CABIN1: variants seen among roughly 807,000 people sequenced by gnomAD.
CABIN1 encodes calcineurin-binding protein cabin-1.
CABIN1 carries 133 observed loss-of-function variants against 227.7 expected under a neutral mutation model. The observed-to-expected ratio is 0.58, with a 90% CI of 0.51 to 0.67. CABIN1 has a LOEUF of 0.67. Ranked by LOEUF, CABIN1 falls within the 30% of genes least tolerant of loss-of-function variation. The pLI is 0.00. For missense variants in CABIN1, 2,408 were observed against 2,852.5 expected (o/e 0.84, Z 3.55); for synonymous variants, 1,086 against 1,155.1 (o/e 0.94, Z 1.21).
chr22:24,061,884 A>AC, intron 12 of CABIN1, 63 bp from the exon 13 acceptor site: 4 of 1,176,952 alleles, frequency 3.4e-6, no homozygotes, highest in Non-Finnish European at 5.1e-6. Context: ...ACAGCCCCCT[A>AC]CCCCCCACAC....
At chr22:24,103,555 A>G (rs1423363020) in intron 26 of CABIN1, among the ~76,000 whole-genome samples, 3 of 152,050 alleles carry the variant, frequency 2.0e-5, no homozygotes, top group Non-Finnish European at 2.9e-5. Flanking sequence ...TCCTAGGGCT[A>G]AGGGGAGGTC....
intron 6 of CABIN1, among the ~76,000 whole-genome samples, chr22:24,045,949 C>T (rs1050099594): frequency 1.3e-5 from 2 of 152,224 alleles, no homozygotes; most frequent in Non-Finnish European, 2.9e-5. Context: ...TGAGACCTGT[C>T]AGTTTGTATA....
intron 30 of CABIN1, 41 bp from the exon 31 acceptor site, chr22:24,165,489 A>G (rs1444134598): frequency 7.1e-6 from 11 of 1,557,322 alleles, no homozygotes; most frequent in Non-Finnish European, 9.7e-6. Context: ...GTGGTGTCAG[A>G]TGCCCTCCTG....
At chr22:24,070,413 GCTGAACCCC>G (rs994226357) in intron 16 of CABIN1, among the ~76,000 whole-genome samples, 4 of 152,224 alleles carry the variant, frequency 2.6e-5, no homozygotes, top group South Asian at 2.1e-4. Context: ...CCCCTTTGCT[GCTGAACCCC>G]CTCCAGAGCC....
At chr22:24,171,585 A>G in intron 33 of CABIN1, 128 bp from the exon 34 acceptor site, 3 of 1,046,242 alleles carry the variant, frequency 2.9e-6, no homozygotes, top group South Asian at 1.4e-5. Context: ...GTGGTGCCAT[A>G]TGGGCAGTGT....
rs1432868770 is a variant in CABIN1, at chr22:24,049,328, G to A, written c.656+108G>A. The A allele has an allele frequency of 6.6e-6, 9 of 1,372,560 alleles. No individual in the cohort carries two copies. The African/African-American group carries it at 1.0e-4, about 15-fold the overall frequency. 85.0% of individuals were successfully genotyped at this position (1,372,560 alleles called of 1,614,324 possible). A position where few individuals can be genotyped will look rare whatever the true frequency, so the allele number is the denominator to read the frequency against. ...CAGGTCCCATGGATGGAGCCCCTGTGCTCTGGGGCTTCATGCCCTGCCGCA... is the reference window on the plus strand; with the variant it reads ...CAGGTCCCATGGATGGAGCCCCTGTACTCTGGGGCTTCATGCCCTGCCGCA... On this transcript the variant is annotated intron_variant, in intron 7 of 36. Transcript: ENST00000263119.
chr22:24,030,030 C>T (rs963873491), intron 1 of CABIN1, among the ~76,000 whole-genome samples: 2 of 152,168 alleles, frequency 1.3e-5, no homozygotes, highest in African/African-American at 2.4e-5. Context: ...GCATGTAATA[C>T]TTGGGCATTG....
chr22:24,178,535 C>A lies in CABIN1; in HGVS notation c.*339C>A. On this transcript the variant is annotated 3_prime_UTR_variant, in exon 37 of 37. Transcript: ENST00000263119. ...TCCACCCCTCGACGCCGGGATGAGC[C>A]GGCTCTGCCTGTGTCACAGTGGAGG... 2.7e-6 allele frequency: 1 copy of A among 370,610 alleles called. No homozygotes were observed. Among genetic ancestry groups the A allele is most frequent in the Non-Finnish European group, 5.2e-6 (1 of 193,358 alleles). The allele number at this position is 370,610 out of a possible 1,614,324, so 23.0% of individuals were successfully genotyped here.
At chr22:24,051,822 G>A (rs1466288759) in intron 8 of CABIN1, among the ~76,000 whole-genome samples, 1 of 152,066 alleles carries the variant, frequency 6.6e-6, no homozygotes, top group Non-Finnish European at 1.5e-5. Flanking sequence ...AACATGTAGG[G>A]CTAGCACAGA....
chr22:24,022,118 A>AT (rs1405258609), intron 1 of CABIN1, among the ~76,000 whole-genome samples: 1 of 151,878 alleles, frequency 6.6e-6, no homozygotes, highest in Non-Finnish European at 1.5e-5. Flanking sequence ...TTTTATTAGA[A>AT]TTTTTTTATA....
intron 26 of CABIN1, among the ~76,000 whole-genome samples, chr22:24,100,930 G>A (rs1046144293): frequency 3.3e-5 from 5 of 152,222 alleles, no homozygotes; most frequent in Admixed American, 6.5e-5. Flanking sequence ...GTGGAACTAG[G>A]GTAAGACCTA....
At chr22:24,145,791 G>T (rs2045075996) in intron 29 of CABIN1, among the ~76,000 whole-genome samples, 1 of 151,714 alleles carries the variant, frequency 6.6e-6, no homozygotes, top group Admixed American at 6.6e-5. Context: ...GGATGGAAGG[G>T]TGCTGCTTAT....
intron 29 of CABIN1, among the ~76,000 whole-genome samples, chr22:24,150,872 C>T (rs1389883887): frequency 6.6e-6 from 1 of 152,186 alleles, no homozygotes; most frequent in Non-Finnish European, 1.5e-5. Context: ...GTCCCATTCC[C>T]TCACATAAGG....
intron 20 of CABIN1, 67 bp downstream of exon 20, chr22:24,083,456 A>C: frequency 6.4e-7 from 1 of 1,570,506 alleles, no homozygotes; most frequent in Non-Finnish European, 8.7e-7. Context: ...GAAGGATGTC[A>C]TATTTGTCAA....
chr22:24,034,307 A>G (rs909899847), intron 1 of CABIN1, among the ~76,000 whole-genome samples: 1 of 152,184 alleles, frequency 6.6e-6, no homozygotes, highest in Non-Finnish European at 1.5e-5. Flanking sequence ...TTCTATCTCT[A>G]TAGATTTGCA....
Position 24,166,862 on chromosome 22 carries a change from G to A in CABIN1, c.5231G>A (p.Ser1744Asn). 6.2e-7 allele frequency: 1 copy of A among 1,612,520 alleles called. No individual in the cohort carries two copies. The highest frequency in any genetic ancestry group is 8.5e-7 in the Non-Finnish European group (1 of 1,179,726). Residue 1744 changes from serine to asparagine, a missense_variant, in exon 32 of 37, where the codon AGC becomes AAC. Ser to Asn is a conservative substitution (Grantham distance 46). Transcript: ENST00000263119. The part of the protein sequence containing the change: ...AMDAGDSADQ[S>N]GERKDKESPR... ...GATGCAGGAGACAGTGCAGACCAAAGCGGGGAGCGGAAGGATAAAGAGAGC... is the reference window on the plus strand; with the variant it reads ...GATGCAGGAGACAGTGCAGACCAAAACGGGGAGCGGAAGGATAAAGAGAGC...
intron 29 of CABIN1, among the ~76,000 whole-genome samples, chr22:24,152,456 A>G (rs563999739): frequency 9.2e-5 from 14 of 152,292 alleles, no homozygotes; most frequent in Non-Finnish European, 1.8e-4. Context: ...CTGACTCGGA[A>G]CTGTAAGGCT....
chr22:24,170,633 A>C (rs926631435), intron 33 of CABIN1, among the ~76,000 whole-genome samples: 2 of 152,164 alleles, frequency 1.3e-5, no homozygotes, highest in Non-Finnish European at 2.9e-5. Context: ...GGCACATCCC[A>C]GACACCCAGT....
At chr22:24,142,908 T>C (rs899736729) in intron 29 of CABIN1, among the ~76,000 whole-genome samples, 16 of 152,162 alleles carry the variant, frequency 1.1e-4, no homozygotes, top group Admixed American at 9.2e-4. Context: ...TATCACCTTC[T>C]CCCCTCTCAG....
Sources: allele counts gnomAD v4.1 joint callset (sites outside exome capture counted in the v4.1 genomes callset), GRCh38; gene constraint gnomAD v4.1.1; transcripts MANE v1.5; gene names NCBI Gene and HGNC (gene_info 2026-07-23, HGNC 2026-07-21).